The following UTY variants were observed in gnomAD, a reference collection of about 807,000 sequenced individuals.
The protein encoded by UTY is ubiquitously transcribed tetratricopeptide repeat containing, Y-linked, also known as histone demethylase UTY.
UTY carries 12 observed loss-of-function variants against 32.5 expected under a neutral mutation model. The ratio of observed to expected loss-of-function variants is 0.37; its 90% confidence interval spans 0.24 to 0.60. The LOEUF (loss-of-function observed/expected upper bound fraction) is 0.60, where lower values mean the gene tolerates loss of function less well. UTY is among the 20% of genes least tolerant of loss of function. UTY has a pLI of 0.69. For synonymous variants in UTY, 131 were observed against 103.4 expected (o/e 1.27, Z -1.62); for missense variants, 303 against 299.2 (o/e 1.01, Z -0.09).
At chrY:13,448,603 A>C in intron 4 of UTY, among the ~76,000 whole-genome samples, 1 of 33,323 alleles carries the variant, frequency 3.0e-5, no homozygotes, top group African/African-American at 1.2e-4. Flanking sequence ...TGGTTGGACA[A>C]CTCTATGAAT....
chrY:13,354,243 A>G, intron 17 of UTY, among the ~76,000 whole-genome samples: 1 of 32,850 alleles, frequency 3.0e-5, no homozygotes, highest in African/African-American at 1.2e-4. Flanking sequence ...TCTCCACCAA[A>G]ATTACAAAAA....
intron 21 of UTY, among the ~76,000 whole-genome samples, chrY:13,314,683 A>G (rs2059389276): frequency 5.9e-5 from 2 of 33,888 alleles, no homozygotes; most frequent in Non-Finnish European, 1.5e-4. Flanking sequence ...CTTGGATCAC[A>G]TACAAAATTA....
chrY:13,470,672 A>T (rs2150316915), intron 2 of UTY, among the ~76,000 whole-genome samples: 1 of 33,119 alleles, frequency 3.0e-5, no homozygotes, highest in Non-Finnish European at 7.4e-5. Context: ...TAATAATAAT[A>T]ATTATAATAG....
At position 13,312,447 on chromosome Y, in the gene UTY, A is replaced by C. The variant is rs2059238503; in HGVS notation, c.3277-6197T>G. ...TTCTGCTAGGAGAAAAAAAAAAAAAACATACAAGTGGCAGCCAAAAAATGG... is the reference window on the plus strand; with the variant it reads ...TTCTGCTAGGAGAAAAAAAAAAAAACCATACAAGTGGCAGCCAAAAAATGG... On this transcript the variant is annotated intron_variant, in intron 21 of 29. Transcript: ENST00000545955. Among the ~76,000 whole-genome samples the C allele has an allele frequency of 3.1e-4, 8 of 25,931 alleles. No individual in the cohort carries two copies. The South Asian group carries it at 4.2e-3, about 14-fold the overall frequency. 69.6% of individuals were successfully genotyped at this position (25,931 alleles called of 37,273 possible). A position where few individuals can be genotyped will look rare whatever the true frequency, so the allele number is the denominator to read the frequency against.
chrY:13,339,399 A>C, intron 17 of UTY, among the ~76,000 whole-genome samples: 1 of 33,578 alleles, frequency 3.0e-5, no homozygotes, highest in African/African-American at 1.2e-4. Flanking sequence ...CAGGACAGTC[A>C]CGGAAGCAGT....
intron 3 of UTY, among the ~76,000 whole-genome samples, chrY:13,453,663 C>A (rs2076500997): frequency 3.0e-5 from 1 of 33,514 alleles, no homozygotes; most frequent in Non-Finnish European, 7.4e-5. Context: ...CTATGAACAC[C>A]TGAAAAGATA....
intron 27 of UTY, among the ~76,000 whole-genome samples, chrY:13,281,840 T>C (rs2057032663): frequency 3.0e-5 from 1 of 32,874 alleles, no homozygotes; most frequent in Non-Finnish European, 7.4e-5. Flanking sequence ...GCTTTCAGCG[T>C]AGGGCAAGTC....
chrY:13,295,895 G>C (rs745350785), intron 27 of UTY, among the ~76,000 whole-genome samples: 2 of 34,079 alleles, frequency 5.9e-5, no homozygotes, highest in African/African-American at 1.1e-4. Context: ...GCTTTGCTGC[G>C]CACAGGCCAT....
At chrY:13,355,735 C>T in intron 16 of UTY, 188 bp downstream of exon 16, 1 of 326,167 alleles carries the variant, frequency 3.1e-6, no homozygotes, top group South Asian at 4.1e-5. Context: ...CTAAGTTAAT[C>T]TGAGTATATT....
chrY:13,345,440 A>G (rs2061825593), intron 17 of UTY, among the ~76,000 whole-genome samples: 2 of 34,107 alleles, frequency 5.9e-5, no homozygotes, highest in African/African-American at 2.3e-4. Flanking sequence ...GAGGAAGTCA[A>G]TAATAGATAA....
At chrY:13,238,508 T>G in intron 28 of UTY, among the ~76,000 whole-genome samples, 2 of 33,177 alleles carry the variant, frequency 6.0e-5, no homozygotes, top group South Asian at 6.9e-4. Flanking sequence ...AGCATCAGAA[T>G]AAGTCACCTG....
chrY:13,299,285 A>G, intron 25 of UTY, 141 bp from the exon 26 acceptor site: 1 of 133,182 alleles, frequency 7.5e-6, no homozygotes, highest in Non-Finnish European at 1.4e-5. Context: ...TTTTTATTCC[A>G]TTAATACTTT....
At chrY:13,439,757 G>A in intron 4 of UTY, among the ~76,000 whole-genome samples, 1 of 32,611 alleles carries the variant, frequency 3.1e-5, no homozygotes, top group Non-Finnish European at 7.5e-5. Flanking sequence ...AAGAAGTACG[G>A]GAACTAACAC....
At chrY:13,360,396 C>T in intron 11 of UTY, 34 bp downstream of exon 11, 10 of 356,690 alleles carry the variant, frequency 2.8e-5, no homozygotes, top group South Asian at 6.2e-5. Context: ...GTGTATCAAG[C>T]GAGCTTCTAC....
intron 8 of UTY, among the ~76,000 whole-genome samples, chrY:13,391,743 A>T (rs2067585992): frequency 3.0e-5 from 1 of 33,772 alleles, no homozygotes; most frequent in South Asian, 6.4e-4. Context: ...AGTTTTGCGG[A>T]TGTCTTTATT....
chrY:13,350,914 T>C (rs902498314), intron 17 of UTY, among the ~76,000 whole-genome samples: 77 of 32,952 alleles, frequency 2.3e-3, no homozygotes, highest in Non-Finnish European at 3.3e-3. Flanking sequence ...CTCTTAAAGT[T>C]GTGAGCCCTT....
chrY:13,402,072 C>A (rs2069195626), intron 6 of UTY, among the ~76,000 whole-genome samples: 1 of 33,274 alleles, frequency 3.0e-5, no homozygotes, highest in Admixed American at 2.7e-4. Context: ...CACCCCCAAA[C>A]AGCATAAAAT....
chrY:13,390,108 G>GT (rs536358065), intron 8 of UTY, among the ~76,000 whole-genome samples: 1,558 of 31,519 alleles, frequency 0.049, no homozygotes, highest in Middle Eastern at 0.38. Context: ...TAATAAATTT[G>GT]TTTTTTTCTT....
chrY:13,383,213 C>T (rs2066332289), intron 8 of UTY, among the ~76,000 whole-genome samples: 1 of 29,170 alleles, frequency 3.4e-5, no homozygotes, highest in African/African-American at 1.4e-4. Flanking sequence ...TTGCTTCAGC[C>T]TGGGAGGTGG....
Sources: allele counts gnomAD v4.1 joint callset (sites outside exome capture counted in the v4.1 genomes callset), GRCh38; gene constraint gnomAD v4.1.1; transcripts MANE v1.5; gene names NCBI Gene and HGNC (gene_info 2026-07-23, HGNC 2026-07-21).